VDAC1: variants seen among roughly 807,000 people sequenced by gnomAD.
The protein encoded by VDAC1 is non-selective voltage-gated ion channel VDAC1.
VDAC1 carries 10 observed loss-of-function variants against 34.7 expected under a neutral mutation model. That is an observed-to-expected ratio of 0.29 (90% CI 0.18 to 0.49). VDAC1 has a LOEUF of 0.49. Among genes scored for constraint, VDAC1 ranks in the 20% least tolerant of loss-of-function variants. The probability of loss-of-function intolerance (pLI) is 0.99; values close to 1 mark genes in which losing one functional copy is unlikely to be tolerated. For synonymous variants in VDAC1, 130 were observed against 136.0 expected, an observed-to-expected ratio of 0.96 and a Z score of 0.30; for missense variants, 230 against 347.9, an observed-to-expected ratio of 0.66 and a Z score of 2.69.
chr5:134,017,852 G>T, the VDAC1 span, among the ~76,000 whole-genome samples: 1 of 152,210 alleles, frequency 6.6e-6, no homozygotes, highest in African/African-American at 2.4e-5. Flanking sequence ...GGCGGAGCTT[G>T]CAGTGAGCCG....
In VDAC1 at chr5:133,994,987, A is replaced by G. The variant is rs1220702786; in HGVS notation, c.-6-1969T>C. Among the ~76,000 whole-genome samples, 5 of 152,278 alleles carry G rather than the reference A, an allele frequency of 3.3e-5. 1 individual carries two copies. The South Asian group carries it at 8.3e-4, about 25-fold the overall frequency. On this transcript the variant is annotated intron_variant, in intron 1 of 8. Transcript: ENST00000265333. The stretch of plus-strand genomic sequence containing the variant: ...GCCTCCCAGACACAGCAGCCTTCAC[A>G]TCTGGACTGGTCCCCGCTCAGGATA...
chr5:134,095,368 T>C, the VDAC1 span, among the ~76,000 whole-genome samples: 1 of 151,872 alleles, frequency 6.6e-6, no homozygotes, highest in African/African-American at 2.4e-5. Flanking sequence ...CTATAGTCCC[T>C]GCTACTCAGG....
At chr5:133,988,713 G>A (rs1490246692) in intron 5 of VDAC1, 1 of 150,956 alleles carries the variant, frequency 6.6e-6, no homozygotes, top group African/African-American at 2.4e-5. Context: ...GCAGTGAGCT[G>A]AGATCACACC....
chr5:134,003,649 C>G (rs1240353463), intron 1 of VDAC1, among the ~76,000 whole-genome samples: 3 of 152,196 alleles, frequency 2.0e-5, no homozygotes, highest in African/African-American at 7.2e-5. Context: ...GGGGGATGGG[C>G]TGGATTCACC....
the VDAC1 span, among the ~76,000 whole-genome samples, chr5:134,031,110 T>C: frequency 6.6e-6 from 1 of 152,298 alleles, no homozygotes; most frequent in Non-Finnish European, 1.5e-5. Flanking sequence ...GATGACCACC[T>C]GGTGTGGGGA....
chr5:134,092,242 CTG>C, the VDAC1 span, among the ~76,000 whole-genome samples: 1 of 152,206 alleles, frequency 6.6e-6, no homozygotes, highest in Non-Finnish European at 1.5e-5. Flanking sequence ...GAATTCCAGA[CTG>C]TGAGTAATTC....
At chr5:134,106,098 C>G in the VDAC1 span, among the ~76,000 whole-genome samples, 274 of 152,330 alleles carry the variant, frequency 1.8e-3, 3 homozygotes, top group Non-Finnish European at 3.2e-3. Context: ...TGGAGAGCCC[C>G]GGTCCTGGAG....
chr5:134,076,452 T>C, the VDAC1 span, among the ~76,000 whole-genome samples: 1 of 152,210 alleles, frequency 6.6e-6, no homozygotes, highest in South Asian at 2.1e-4. Flanking sequence ...GTCTAAAGTT[T>C]GTGCATGTCT....
chr5:134,012,491 A>G, the VDAC1 span, among the ~76,000 whole-genome samples: 67 of 152,326 alleles, frequency 4.4e-4, no homozygotes, highest in African/African-American at 7.7e-4. Flanking sequence ...CGGTATTAGA[A>G]GGCAGAGGTT....
the VDAC1 span, among the ~76,000 whole-genome samples, chr5:134,051,675 T>TC: frequency 6.6e-6 from 1 of 151,814 alleles, no homozygotes; most frequent in Admixed American, 6.6e-5. Context: ...TTTGTTTTTT[T>TC]TTTTTTTGGC....
chr5:134,042,909 G>A, the VDAC1 span, among the ~76,000 whole-genome samples: 1 of 152,258 alleles, frequency 6.6e-6, no homozygotes, highest in Admixed American at 6.5e-5. Flanking sequence ...TAGTGGGACA[G>A]AAACCAGAGT....
chr5:134,039,767 G>A, the VDAC1 span, among the ~76,000 whole-genome samples: 1 of 152,290 alleles, frequency 6.6e-6, no homozygotes, highest in East Asian at 1.9e-4. Context: ...GCCATCTCCC[G>A]GCTCCCAAAC....
intron 1 of VDAC1, among the ~76,000 whole-genome samples, chr5:133,998,298 C>T (rs113733306): frequency 9.2e-5 from 14 of 152,222 alleles, no homozygotes; most frequent in Admixed American, 5.2e-4. Flanking sequence ...CACTTCAAAT[C>T]GAATTTTCAT....
chr5:133,986,740 G>A (rs866461201), intron 5 of VDAC1, among the ~76,000 whole-genome samples: 1 of 152,146 alleles, frequency 6.6e-6, no homozygotes, highest in Non-Finnish European at 1.5e-5. Flanking sequence ...AGGCTCCTTG[G>A]AGAAATGGCA....
chr5:133,997,802 G>A (rs1205013350), intron 1 of VDAC1, among the ~76,000 whole-genome samples: 11 of 151,744 alleles, frequency 7.2e-5, no homozygotes, highest in East Asian at 1.9e-4. Flanking sequence ...AGTGGCTCAT[G>A]CCTGTAATCC....
chr5:134,077,049 C>T, the VDAC1 span, among the ~76,000 whole-genome samples: 6 of 152,234 alleles, frequency 3.9e-5, no homozygotes, highest in Admixed American at 2.6e-4. Context: ...GAGGCCGAGG[C>T]GGCCAGATCA....
upstream of VDAC1, among the ~76,000 whole-genome samples, chr5:134,009,420 A>G (rs1361792462): frequency 1.3e-5 from 2 of 151,186 alleles, no homozygotes; most frequent in Non-Finnish European, 2.9e-5. Context: ...CACCATGCCC[A>G]GCTAATTTTT....
the VDAC1 span, among the ~76,000 whole-genome samples, chr5:134,032,493 T>C: frequency 6.6e-6 from 1 of 152,222 alleles, no homozygotes. Context: ...TTACAAAGCA[T>C]ACATGTGCAA....
chr5:134,047,233 C>T, the VDAC1 span, among the ~76,000 whole-genome samples: 3 of 152,064 alleles, frequency 2.0e-5, no homozygotes, highest in African/African-American at 4.8e-5. Context: ...CATGAAAAGC[C>T]GCCTGCTGGG....
Sources: allele counts gnomAD v4.1 joint callset (sites outside exome capture counted in the v4.1 genomes callset), GRCh38; gene constraint gnomAD v4.1.1; transcripts MANE v1.5; gene names NCBI Gene and HGNC (gene_info 2026-07-23, HGNC 2026-07-21).